Variants in DRD3 observed in about 807,000 individuals in gnomAD.
DRD3 encodes the protein dopamine receptor D3, also known as D(3) dopamine receptor.
A neutral mutation model predicts 36.3 loss-of-function variants in DRD3; 19 were observed. The ratio of observed to expected loss-of-function variants is 0.52; its 90% CI spans 0.36 to 0.77. The LOEUF is 0.77. Ranked by LOEUF, DRD3 falls within the 30% of genes least tolerant of loss-of-function variation. DRD3 has a pLI of 0.00. For synonymous variants in DRD3, 195 were observed against 203.7 expected (o/e 0.96, Z 0.36); for missense variants, 465 against 505.3 (o/e 0.92, Z 0.77).
chr3:114,147,195 G>A (rs1004241337), intron 4 of DRD3, among the ~76,000 whole-genome samples: 1 of 151,608 alleles, frequency 6.6e-6, no homozygotes, highest in Non-Finnish European at 1.5e-5. Flanking sequence ...CATTAATTGG[G>A]GCAGAACTTT....
In DRD3 at chr3:114,134,789, T is replaced by C. The variant is rs201535767; in HGVS notation, c.724-3389A>G. Among the ~76,000 whole-genome samples, 4 of 152,242 alleles carry C rather than the reference T, an allele frequency of 2.6e-5. No individual in the cohort carries two copies. The East Asian group carries it at 7.7e-4, about 29-fold the overall frequency. ...TTCTAGAATAATATACATTTTTTTC[T>C]TGAAGATTTTAAAAATTCATATATA... On this transcript the variant is annotated intron_variant, in intron 5 of 6. Coordinates refer to ENST00000383673, the MANE Select transcript of DRD3 (RefSeq NM_000796.6).
chr3:114,149,216 G>A (rs1049676499), intron 3 of DRD3, among the ~76,000 whole-genome samples: 4 of 152,160 alleles, frequency 2.6e-5, no homozygotes, highest in Admixed American at 2.0e-4. Flanking sequence ...GAAATACACT[G>A]GGTGATGTGT....
intron 2 of DRD3, among the ~76,000 whole-genome samples, chr3:114,163,841 A>G (rs1295519710): frequency 6.6e-6 from 1 of 152,164 alleles, no homozygotes; most frequent in Non-Finnish European, 1.5e-5. Context: ...AAAAACAGCT[A>G]TGAGGCAATG....
At chr3:114,170,314 AT>A (rs2077827277) in intron 2 of DRD3, among the ~76,000 whole-genome samples, 1 of 152,242 alleles carries the variant, frequency 6.6e-6, no homozygotes, top group African/African-American at 2.4e-5. Context: ...TCATTTCATC[AT>A]TCATATATCA....
chr3:114,131,505 A>G, intron 5 of DRD3, 105 bp from the exon 6 acceptor site: 4 of 1,429,216 alleles, frequency 2.8e-6, no homozygotes, highest in Non-Finnish European at 3.7e-6. Context: ...ACGGCAACAC[A>G]GTTGTGGGAA....
rs1376108992 is a variant in DRD3, at chr3:114,128,818, G to A, written c.1101C>T (p.Ala367=). The part of the protein sequence containing the change: ...TCHVSPELYS[A]TTWLGYVNSA... The stretch of plus-strand genomic sequence containing the variant: ...TATTCACGTAGCCCAGCCATGTCGT[G>A]GCACTGTAAAGCTCTGGGGACACGT... Residue 367 remains alanine (A), a synonymous_variant, in exon 7 of 7, where the codon GCC becomes GCT. Coordinates refer to ENST00000383673, the MANE Select transcript of DRD3 (RefSeq NM_000796.6). 2 of 1,614,042 alleles carry A rather than the reference G, an allele frequency of 1.2e-6. No homozygotes were observed.
At chr3:114,133,024 C>G (rs1156503433) in intron 5 of DRD3, among the ~76,000 whole-genome samples, 1 of 150,280 alleles carries the variant, frequency 6.7e-6, no homozygotes, top group South Asian at 2.1e-4. Context: ...GACTTTCGCT[C>G]TTGTTGCCCA....
intron 1 of DRD3, among the ~76,000 whole-genome samples, chr3:114,195,302 T>C (rs1242502166): frequency 6.6e-6 from 1 of 152,152 alleles, no homozygotes; most frequent in African/African-American, 2.4e-5. Context: ...CTTAAAAGAA[T>C]CTCCATAAAA....
chr3:114,156,556 G>T (rs2077669338), intron 3 of DRD3, among the ~76,000 whole-genome samples: 1 of 150,192 alleles, frequency 6.7e-6, no homozygotes, highest in South Asian at 2.1e-4. Context: ...CTGAAATTCT[G>T]CTGCACTTTC....
intron 5 of DRD3, among the ~76,000 whole-genome samples, chr3:114,137,662 C>A (rs545176260): frequency 6.6e-6 from 1 of 152,128 alleles, no homozygotes; most frequent in South Asian, 2.1e-4. Context: ...GCCTAGCCAA[C>A]AAGGAAAAAC....
chr3:114,149,947 G>A (rs2077602240), intron 3 of DRD3, among the ~76,000 whole-genome samples: 1 of 152,210 alleles, frequency 6.6e-6, no homozygotes, highest in African/African-American at 2.4e-5. Flanking sequence ...GTGAGATCCT[G>A]AGAAGAGAAC....
At chr3:114,140,790 C>T (rs1329799891) in intron 4 of DRD3, among the ~76,000 whole-genome samples, 2 of 152,186 alleles carry the variant, frequency 1.3e-5, no homozygotes, top group Admixed American at 1.3e-4. Flanking sequence ...TGAGCAACAA[C>T]TGTTGGTACA....
intron 3 of DRD3, 77 bp downstream of exon 3, chr3:114,159,678 G>C (rs886224882): frequency 1.7e-6 from 2 of 1,181,414 alleles, no homozygotes; most frequent in Non-Finnish European, 2.5e-6. Flanking sequence ...GGTGACCCCA[G>C]TACCCTCAAG....
chr3:114,175,970 C>T (rs2077894627), intron 1 of DRD3: 1 of 152,160 alleles, frequency 6.6e-6, no homozygotes, highest in Non-Finnish European at 1.5e-5. Flanking sequence ...ATTGATTTAT[C>T]TTGGTCTTTA....
chr3:114,173,976 C>T (rs2077872969), intron 1 of DRD3, among the ~76,000 whole-genome samples: 1 of 151,462 alleles, frequency 6.6e-6, no homozygotes, highest in Admixed American at 6.6e-5. Context: ...ATGTTTCAGC[C>T]TGAAATATGA....
Position 114,159,747 on chromosome 3 carries a change from A to G in DRD3, c.383+8T>C, listed in dbSNP as rs2077715141. On this transcript the variant is annotated splice_region_variant and intron_variant, in intron 3 of 6. Coordinates refer to ENST00000383673, the MANE Select transcript of DRD3 (RefSeq NM_000796.6). The stretch of plus-strand genomic sequence containing the variant: ...TTGGGCCACCTGGAAGGGGAATTGC[A>G]GCCCTACCTGTCTATGCTGATGGCA... 3.7e-6 allele frequency: 6 copies of G among 1,612,814 alleles called. No homozygotes were observed. Among genetic ancestry groups the G allele is most frequent in the Non-Finnish European group, 4.2e-6 (5 of 1,179,132 alleles).
chr3:114,141,548 G>A (rs529555418), intron 4 of DRD3, among the ~76,000 whole-genome samples: 4 of 152,260 alleles, frequency 2.6e-5, no homozygotes, highest in African/African-American at 9.6e-5. Flanking sequence ...GACTTATAGG[G>A]AGCAATATTT....
upstream of DRD3, among the ~76,000 whole-genome samples, chr3:114,183,384 G>T (rs1433179700): frequency 1.3e-5 from 2 of 152,170 alleles, no homozygotes; most frequent in African/African-American, 4.8e-5. Flanking sequence ...TACTTGAAAA[G>T]AATGTGCATA....
chr3:114,156,994 TTCTC>T (rs774424169), intron 3 of DRD3, among the ~76,000 whole-genome samples: 1,781 of 147,052 alleles, frequency 0.012, 39 homozygotes, highest in African/African-American at 0.038. Flanking sequence ...CTTCCTTTCT[TTCTC>T]TCTCTCTCTC....
Sources: allele counts gnomAD v4.1 joint callset (sites outside exome capture counted in the v4.1 genomes callset), GRCh38; gene constraint gnomAD v4.1.1; transcripts MANE v1.5; gene names NCBI Gene and HGNC (gene_info 2026-07-23, HGNC 2026-07-21).